SLC66A3: variants seen among roughly 807,000 people sequenced by gnomAD.
SLC66A3 encodes the protein solute carrier family 66 member 3.
SLC66A3 carries 23 observed loss-of-function variants against 25.5 expected under a neutral mutation model. That is an observed-to-expected ratio of 0.90 (90% CI 0.65 to 1.28). SLC66A3 has a LOEUF of 1.28. SLC66A3 is among the 50% of genes most tolerant of loss of function. The pLI is 0.00. For synonymous variants in SLC66A3, 108 were observed against 112.6 expected (o/e 0.96, Z 0.26); for missense variants, 246 against 262.1 (o/e 0.94, Z 0.42).
intron 1 of SLC66A3, among the ~76,000 whole-genome samples, chr2:11,159,604 G>C (rs1662040125): frequency 6.6e-6 from 1 of 152,184 alleles, no homozygotes; most frequent in Admixed American, 6.5e-5. Context: ...CCCAGCTTAG[G>C]AGATTGGAGA....
chr2:11,169,790 T>C (rs1287575475), intron 4 of SLC66A3, among the ~76,000 whole-genome samples: 1 of 149,782 alleles, frequency 6.7e-6, no homozygotes, highest in Admixed American at 6.7e-5. Context: ...GTTCTTCCAC[T>C]GCAAAGGCCA....
intron 4 of SLC66A3, among the ~76,000 whole-genome samples, chr2:11,167,422 A>G (rs1303933713): frequency 6.6e-6 from 1 of 152,164 alleles, no homozygotes; most frequent in Admixed American, 6.5e-5. Flanking sequence ...CAGCCTGGGC[A>G]ACAGAGCAAG....
intron 3 of SLC66A3, 52 bp from the exon 4 acceptor site, chr2:11,164,152 G>A (rs1455644925): frequency 3.7e-6 from 4 of 1,088,634 alleles, no homozygotes; most frequent in African/African-American, 1.6e-5. Context: ...TGAGATGGGA[G>A]GGTGGCGCGG....
Position 11,160,801 on chromosome 2 carries a change from T to TA in SLC66A3, c.296+127dup, listed in dbSNP as rs35227502. 1,010 of 1,225,232 alleles carry TA rather than the reference T, an allele frequency of 8.2e-4. 3 individuals are homozygous for TA. The highest frequency in any genetic ancestry group is 1.2e-3 in the Middle Eastern group (5 of 4,010). 75.9% of individuals were successfully genotyped at this position (1,225,232 alleles called of 1,614,324 possible). On this transcript the variant is annotated intron_variant, in intron 3 of 6. Coordinates refer to ENST00000295083, the MANE Select transcript of SLC66A3 (RefSeq NM_152391.5). ...CCAGATGTGTATTTTTTGGTTAAAC[T>TA]AAAAAAAAAAAAAAAAAAAATCCCA...
intron 1 of SLC66A3, chr2:11,160,217 G>A (rs921474675): frequency 3.5e-6 from 2 of 568,458 alleles, no homozygotes; most frequent in Non-Finnish European, 6.3e-6. Context: ...ACCATCTCAA[G>A]GCACTCTATA....
chr2:11,159,132 C>T (rs907660747), intron 1 of SLC66A3, among the ~76,000 whole-genome samples: 2 of 152,222 alleles, frequency 1.3e-5, no homozygotes, highest in East Asian at 1.9e-4. Flanking sequence ...ACTGTGGCTG[C>T]GTCCCAGGGG....
chr2:11,164,654 C>T (rs1040640508), intron 4 of SLC66A3, among the ~76,000 whole-genome samples: 10 of 151,076 alleles, frequency 6.6e-5, no homozygotes, highest in African/African-American at 2.2e-4. Context: ...GAACAAAGGT[C>T]TCTGGTTTTC....
chr2:11,160,438 G>C (rs372784690), intron 1 of SLC66A3, 28 bp from the exon 2 acceptor site: 2 of 1,606,778 alleles, frequency 1.2e-6, no homozygotes, highest in Admixed American at 1.7e-5. Flanking sequence ...TGGGGCAGCC[G>C]TGTGGACATG....
chr2:11,168,187 A>C (rs1332082902), intron 4 of SLC66A3, among the ~76,000 whole-genome samples: 1 of 151,806 alleles, frequency 6.6e-6, no homozygotes, highest in Admixed American at 6.6e-5. Context: ...CAGGAGGGTG[A>C]GGCAGGAGAA....
Position 11,160,613 on chromosome 2 carries a change from T to C in SLC66A3, c.227-12T>C. 1 of 1,614,076 alleles carries C rather than the reference T, an allele frequency of 6.2e-7. No homozygotes were observed. Among genetic ancestry groups the C allele is most frequent in the Non-Finnish European group, 8.5e-7 (1 of 1,179,998 alleles). On this transcript the variant is annotated splice_polypyrimidine_tract_variant and intron_variant, in intron 2 of 6. Coordinates refer to ENST00000295083, the MANE Select transcript of SLC66A3 (RefSeq NM_152391.5). ...TCCCCTTCCCCCCTCACTCGGAGCC[T>C]CTCTCTTTCAGATGTCATCCTCCTG...
chr2:11,161,585 T>G (rs1295147135), intron 3 of SLC66A3, among the ~76,000 whole-genome samples: 1 of 151,622 alleles, frequency 6.6e-6, no homozygotes, highest in Non-Finnish European at 1.5e-5. Flanking sequence ...GTGGCTGGAT[T>G]AGAGCTCACT....
Position 11,155,664 on chromosome 2 carries a change from C to G in SLC66A3, c.118C>G (p.Pro40Ala). The G allele has an allele frequency of 6.8e-7, 1 of 1,469,042 alleles. No homozygotes were observed. Among genetic ancestry groups the G allele is most frequent in the African/African-American group, 1.5e-5 (1 of 68,590 alleles). 91.0% of individuals were successfully genotyped at this position (1,469,042 alleles called of 1,614,324 possible). A position where few individuals can be genotyped will look rare whatever the true frequency, so the allele number is the denominator to read the frequency against. ...GCGCAGCGCGCGGGGCCTCAGCCTTCCGAGTTTACTTCTGGAGCTGGCAGG... is the reference window on the plus strand; with the variant it reads ...GCGCAGCGCGCGGGGCCTCAGCCTTGCGAGTTTACTTCTGGAGCTGGCAGG... ...AARSARGLSL[P>A]SLLLELAGFL... is the part of the protein sequence containing the mutation. The change falls in exon 1 of 7, where the codon CCG becomes GCG. Residue 40 changes from proline to alanine, a missense_variant. Pro to Ala is a conservative substitution (Grantham distance 27). Coordinates refer to ENST00000295083, the MANE Select transcript of SLC66A3 (RefSeq NM_152391.5).
chr2:11,173,392 G>A (rs1662621373), intron 5 of SLC66A3, among the ~76,000 whole-genome samples: 1 of 152,232 alleles, frequency 6.6e-6, no homozygotes, highest in South Asian at 2.1e-4. Flanking sequence ...CTTGTCAGAT[G>A]TGTGGTTATT....
At chr2:11,162,768 G>A (rs1374378040) in intron 3 of SLC66A3, among the ~76,000 whole-genome samples, 3 of 151,970 alleles carry the variant, frequency 2.0e-5, no homozygotes, top group Non-Finnish European at 4.4e-5. Flanking sequence ...CACCATGCCC[G>A]GCTAATTTTT....
intron 5 of SLC66A3, among the ~76,000 whole-genome samples, chr2:11,173,886 C>T (rs1417066622): frequency 1.3e-5 from 2 of 152,218 alleles, no homozygotes; most frequent in Non-Finnish European, 2.9e-5. Context: ...TTGGAAAAAT[C>T]TTCCCCTTTT....
At chr2:11,164,987 C>G (rs1021580139) in intron 4 of SLC66A3, among the ~76,000 whole-genome samples, 22 of 152,372 alleles carry the variant, frequency 1.4e-4, no homozygotes, top group African/African-American at 5.1e-4. Flanking sequence ...TCCCCTTTCC[C>G]CCTTTTCTAT....
intron 1 of SLC66A3, among the ~76,000 whole-genome samples, chr2:11,159,920 C>T (rs1662053017): frequency 6.6e-6 from 1 of 152,086 alleles, no homozygotes; most frequent in Non-Finnish European, 1.5e-5. Flanking sequence ...CCCCACTGCC[C>T]TCTCAACCGG....
intron 1 of SLC66A3, among the ~76,000 whole-genome samples, chr2:11,156,340 A>G (rs995683055): frequency 6.6e-6 from 1 of 152,162 alleles, no homozygotes; most frequent in Non-Finnish European, 1.5e-5. Context: ...AGGCTTTCCT[A>G]TTCAAAGTAT....
chr2:11,177,829 T>C lies in SLC66A3; in HGVS notation c.*1T>C. On this transcript the variant is annotated 3_prime_UTR_variant, in exon 7 of 7. Transcript: ENST00000295083. ...GAAGACCGCTATAAAGGCTGAATGA[T>C]GGATACATTATTCCTTCACACAGTG... 3.2e-6 allele frequency: 5 copies of C among 1,561,768 alleles called. No individual in the cohort carries two copies. The highest frequency in any genetic ancestry group is 4.4e-6 in the Non-Finnish European group (5 of 1,133,314).
Sources: gnomAD v4.1 joint callset for allele counts (sites outside exome capture counted in the v4.1 genomes callset) on GRCh38, gnomAD v4.1.1 for gene constraint, MANE v1.5 for transcripts, NCBI Gene and HGNC (gene_info 2026-07-23, HGNC 2026-07-21) for gene names.